Variants in PHYH observed in about 807,000 individuals in gnomAD.
PHYH encodes phytanoyl-CoA 2-hydroxylase.
PHYH carries 32 observed loss-of-function variants against 38.5 expected under a neutral mutation model. That is an observed-to-expected ratio of 0.83 (90% CI 0.63 to 1.12). PHYH has a LOEUF of 1.12. PHYH is among the 50% of genes most tolerant of loss of function. PHYH has a pLI of 0.00. For synonymous variants in PHYH, 166 were observed against 157.9 expected (o/e 1.05, Z -0.38); for missense variants, 426 against 434.8 (o/e 0.98, Z 0.18).
intron 2 of PHYH, among the ~76,000 whole-genome samples, chr10:13,295,810 C>T (rs548586127): frequency 7.4e-5 from 11 of 148,060 alleles, no homozygotes; most frequent in Non-Finnish European, 1.6e-4. Context: ...CCAGCATGGG[C>T]GACAGAGTGA....
At chr10:13,286,875 C>T (rs1471424598) in intron 6 of PHYH, among the ~76,000 whole-genome samples, 1 of 152,144 alleles carries the variant, frequency 6.6e-6, no homozygotes, top group Non-Finnish European at 1.5e-5. Flanking sequence ...CAGAAAGCAG[C>T]TCAGTGGTTG....
At chr10:13,285,363 T>C (rs1428421874) in intron 6 of PHYH, among the ~76,000 whole-genome samples, 1 of 151,908 alleles carries the variant, frequency 6.6e-6, no homozygotes, top group African/African-American at 2.4e-5. Flanking sequence ...TTTGTATTTT[T>C]AGTAGAAATA....
rs1588513926 is a variant in PHYH, at chr10:13,291,901, A to G, written c.426T>C (p.Tyr142=). The G allele has an allele frequency of 1.2e-6, 2 of 1,606,134 alleles. No individual in the cohort carries two copies. The highest frequency in any genetic ancestry group is 1.7e-6 in the Non-Finnish European group (2 of 1,174,248). ...TATTAGGTCCAGTGAAGCACTCCACATATTTCAGAATCTAAGAAAGCAAAA... is the reference window on the plus strand; with the variant it reads ...TATTAGGTCCAGTGAAGCACTCCACGTATTTCAGAATCTAAGAAAGCAAAA... ...RYCTLPEILK[Y]VECFTGPNIM... is the part of the protein sequence containing the mutation. The change falls in exon 5 of 9, where the codon TAT becomes TAC. Residue 142 remains tyrosine (Y), a synonymous_variant. Coordinates refer to ENST00000263038, the MANE Select transcript of PHYH (RefSeq NM_006214.4).
Position 13,283,793 on chromosome 10 carries a change from T to C in PHYH, c.725A>G (p.Asn242Ser). 1 of 1,614,002 alleles carries C rather than the reference T, an allele frequency of 6.2e-7. No individual in the cohort carries two copies. Among genetic ancestry groups the C allele is most frequent in the Non-Finnish European group, 8.5e-7 (1 of 1,179,898 alleles). ...MFHGIQDYEE[N>S]KARVHLVMEK... ...CATCACCAGGTGCACCCGGGCCTTGTTTTCCTCGTAGTCCTGGATCCCGTG... is the reference window on the plus strand; with the variant it reads ...CATCACCAGGTGCACCCGGGCCTTGCTTTCCTCGTAGTCCTGGATCCCGTG... The change falls in exon 7 of 9, where the codon AAC (asparagine) becomes AGC (serine). Residue 242 changes from asparagine to serine, a missense_variant. Physicochemically the swap from Asn to Ser is conservative, Grantham distance 46. Coordinates refer to ENST00000263038, the MANE Select transcript of PHYH (RefSeq NM_006214.4).
intron 6 of PHYH, among the ~76,000 whole-genome samples, chr10:13,285,207 G>A (rs1835517390): frequency 6.6e-6 from 1 of 152,008 alleles, no homozygotes. Context: ...TTACTGAGAT[G>A]GAGTCTTGCT....
rs750212973 is a variant in PHYH at position 13,288,397 on chromosome 10, TTG to T, written c.639_640del (p.His213GlnfsTer17). The stretch of plus-strand genomic sequence containing the variant: ...GTAATCGTGGGGCTTCAGGGAGCCC[TTG>T]TGTGTGCCTGGGAGCACAACCAGAC... On this transcript the variant is annotated frameshift_variant, in exon 6 of 9. Transcript: ENST00000263038. LOFTEE classifies it high-confidence loss of function. 2 of 1,614,116 alleles carry T rather than the reference TTG, an allele frequency of 1.2e-6. No individual in the cohort carries two copies. The highest frequency in any genetic ancestry group is 1.7e-6 in the Non-Finnish European group (2 of 1,180,038).
intron 7 of PHYH, 101 bp from the exon 8 acceptor site, chr10:13,281,211 T>C: frequency 8.2e-7 from 1 of 1,224,562 alleles, no homozygotes; most frequent in South Asian, 1.3e-5. Context: ...TTTCACTCAG[T>C]ATTTGATTTC....
intron 5 of PHYH, among the ~76,000 whole-genome samples, chr10:13,289,471 A>G (rs1052386958): frequency 6.6e-6 from 1 of 152,196 alleles, no homozygotes; most frequent in Middle Eastern, 3.4e-3. Flanking sequence ...CTGGGATTCC[A>G]GGCGTGAGCC....
At chr10:13,278,960 T>C (rs1835353247) in intron 8 of PHYH, among the ~76,000 whole-genome samples, 2 of 152,116 alleles carry the variant, frequency 1.3e-5, no homozygotes, top group Admixed American at 1.3e-4. Context: ...GTCAATGTCA[T>C]GTCGGGTTAC....
At chr10:13,282,931 G>T (rs1029015481) in intron 7 of PHYH, among the ~76,000 whole-genome samples, 8 of 151,968 alleles carry the variant, frequency 5.3e-5, no homozygotes, top group Non-Finnish European at 4.4e-5. Context: ...GTGGAAATAT[G>T]AATGAATGGA....
rs770511465 is a variant in PHYH at position 13,288,582 on chromosome 10, G to C, written c.497-41C>G. On this transcript the variant is annotated intron_variant, in intron 5 of 8. Transcript: ENST00000263038. The stretch of plus-strand genomic sequence containing the variant: ...GCTACTAAAGGATACTCGAGGCCGA[G>C]TGCAGTGGCTCACGCCTGTAACCCC... 2.3e-5 allele frequency: 37 copies of C among 1,596,638 alleles called. 1 individual carries two copies. The South Asian group carries it at 4.1e-4, about 18-fold the overall frequency.
intron 5 of PHYH, 138 bp downstream of exon 5, chr10:13,291,693 C>T: frequency 1.5e-6 from 1 of 687,582 alleles, no homozygotes; most frequent in Non-Finnish European, 2.6e-6. Context: ...TTGCCCAGGC[C>T]ACTCTCAAAC....
chr10:13,295,576 C>T lies in PHYH; in HGVS notation c.165G>A (p.Leu55=), dbSNP rs1213414531. The change falls in exon 3 of 9, where the codon CTG becomes CTA. Residue 55 remains leucine, a synonymous_variant. Coordinates refer to ENST00000263038, the MANE Select transcript of PHYH (RefSeq NM_006214.4). ...QYTLDNNVLT[L]EQRKFYEENG... ...TTTCTTCATAAAATTTTCTCTGTTC[C>T]AGGGTTAGAACGTTATTATCCAGAG... The T allele has an allele frequency of 2.7e-6, 4 of 1,465,998 alleles. No homozygotes were observed. The highest frequency in any genetic ancestry group is 1.7e-5 in the Admixed American group (1 of 59,790). 90.8% of individuals were successfully genotyped at this position (1,465,998 alleles called of 1,614,324 possible).
intron 2 of PHYH, among the ~76,000 whole-genome samples, chr10:13,297,266 T>C (rs935241531): frequency 6.6e-6 from 1 of 152,160 alleles, no homozygotes; most frequent in Non-Finnish European, 1.5e-5. Flanking sequence ...GAAGGTAAAG[T>C]AACAAAATCC....
At chr10:13,290,722 A>G (rs1194644766) in intron 5 of PHYH, among the ~76,000 whole-genome samples, 4 of 152,130 alleles carry the variant, frequency 2.6e-5, no homozygotes, top group Non-Finnish European at 5.9e-5. Flanking sequence ...TAAAATACAG[A>G]AACCTGGGTT....
chr10:13,285,430 C>T (rs182682180), intron 6 of PHYH, among the ~76,000 whole-genome samples: 4 of 152,164 alleles, frequency 2.6e-5, no homozygotes, highest in East Asian at 1.9e-4. Flanking sequence ...GTGATCCACC[C>T]GCCACGGCCT....
chr10:13,299,778 G>C (rs924307018), intron 1 of PHYH, 190 bp downstream of exon 1: 17 of 1,312,334 alleles, frequency 1.3e-5, no homozygotes, highest in Non-Finnish European at 1.6e-5. Flanking sequence ...TGTCCTCGGG[G>C]GACGCAGCCT....
Position 13,278,306 on chromosome 10 carries a change from G to T in PHYH, c.1012C>A (p.Leu338Ile). Reference sequence around the variant, plus strand: ...AGTTATAGCAGATGGCTATTTCAAAGATTGGTTCTTTCTCCTTTCACAAGT... The same window carrying T: ...AGTTATAGCAGATGGCTATTTCAAATATTGGTTCTTTCTCCTTTCACAAGT... Reference protein sequence around the residue: ...ARLVKGERTNL With the variant: ...ARLVKGERTNI Residue 338 changes from leucine (L) to isoleucine (I), a missense_variant, in exon 9 of 9, where the codon CTT becomes ATT. Coordinates refer to ENST00000263038, the MANE Select transcript of PHYH (RefSeq NM_006214.4). 6.2e-7 allele frequency: 1 copy of T among 1,608,258 alleles called. No homozygotes were observed. Among genetic ancestry groups the T allele is most frequent in the Non-Finnish European group, 8.5e-7 (1 of 1,174,884 alleles).
At chr10:13,286,089 A>T (rs543289517) in intron 6 of PHYH, among the ~76,000 whole-genome samples, 28 of 151,490 alleles carry the variant, frequency 1.8e-4, no homozygotes, top group African/African-American at 6.8e-4. Flanking sequence ...TATTATTATT[A>T]TTTTTAGAAA....
Sources: allele counts gnomAD v4.1 joint callset (sites outside exome capture counted in the v4.1 genomes callset), GRCh38; gene constraint gnomAD v4.1.1; transcripts MANE v1.5; gene names NCBI Gene and HGNC (gene_info 2026-07-23, HGNC 2026-07-21).